ECT2L: variants seen among roughly 807,000 people sequenced by gnomAD.
The protein encoded by ECT2L is epithelial cell-transforming sequence 2 oncogene-like.
Under a neutral mutation model 122.8 loss-of-function variants are expected in ECT2L, and 126 were observed. The observed-to-expected ratio is 1.03, with a 90% CI of 0.89 to 1.19. ECT2L has a LOEUF of 1.19. ECT2L is among the 50% of genes most tolerant of loss of function. The pLI, the probability that ECT2L is intolerant of heterozygous loss-of-function variation, is 0.00. For missense variants in ECT2L, 1,012 were observed against 1,064.1 expected, an observed-to-expected ratio of 0.95 and a Z score of 0.68; for synonymous variants, 385 against 381.8, an observed-to-expected ratio of 1.01 and a Z score of -0.10.
At position 138,885,750 on chromosome 6, in the gene ECT2L, A is replaced by AC. The variant is rs766411485; in HGVS notation, c.2183dup (p.Ala729CysfsTer5). Reference sequence around the variant, plus strand: ...TCTTCTCTACGCTGTCAGGCTTCATACCCCTGCAGAGCATGTTGACCGTGG... The same window carrying AC: ...TCTTCTCTACGCTGTCAGGCTTCATACCCCCTGCAGAGCATGTTGACCGTGG... On this transcript the variant is annotated frameshift_variant, in exon 18 of 22. Coordinates refer to ENST00000541398, the MANE Select transcript of ECT2L (RefSeq NM_001077706.3). LOFTEE classifies it high-confidence loss of function. 6.2e-7 allele frequency: 1 copy of AC among 1,614,120 alleles called. No individual in the cohort carries two copies. Among genetic ancestry groups the AC allele is most frequent in the South Asian group, 1.1e-5 (1 of 91,064 alleles).
intron 4 of ECT2L, among the ~76,000 whole-genome samples, chr6:138,819,938 C>T (rs1191766787): frequency 1.3e-5 from 2 of 152,006 alleles, no homozygotes; most frequent in African/African-American, 2.4e-5. Context: ...TAGGAGATTA[C>T]TAATACTTTG....
intron 19 of ECT2L, among the ~76,000 whole-genome samples, chr6:138,888,645 C>G (rs1192962294): frequency 6.6e-6 from 1 of 152,060 alleles, no homozygotes; most frequent in Non-Finnish European, 1.5e-5. Context: ...ACCTTCTTAT[C>G]CCCCAACCCC....
intron 4 of ECT2L, among the ~76,000 whole-genome samples, chr6:138,830,154 G>T (rs1185572616): frequency 1.3e-5 from 2 of 152,146 alleles, no homozygotes; most frequent in African/African-American, 4.8e-5. Context: ...AATTTTGTTT[G>T]ATAATATTAA....
At chr6:138,810,113 A>G (rs1361610078) in intron 1 of ECT2L, among the ~76,000 whole-genome samples, 1 of 152,226 alleles carries the variant, frequency 6.6e-6, no homozygotes, top group East Asian at 1.9e-4. Flanking sequence ...CACGTTTGCC[A>G]AAGTACTAGA....
chr6:138,836,621 C>T (rs183161813), intron 4 of ECT2L, among the ~76,000 whole-genome samples: 1 of 151,988 alleles, frequency 6.6e-6, no homozygotes, highest in East Asian at 1.9e-4. Context: ...ATGATGGCCT[C>T]CAAGTGGTGA....
chr6:138,860,707 A>ATTT (rs35611410), intron 10 of ECT2L, among the ~76,000 whole-genome samples: 24 of 135,796 alleles, frequency 1.8e-4, no homozygotes, highest in African/African-American at 5.1e-4. Flanking sequence ...TGAAGGGGCT[A>ATTT]TTTTTTTTTT....
At chr6:138,816,385 C>CT (rs35598663) in intron 4 of ECT2L, among the ~76,000 whole-genome samples, 8 of 151,230 alleles carry the variant, frequency 5.3e-5, no homozygotes, top group Non-Finnish European at 1.0e-4. Flanking sequence ...AGTGAAAGTA[C>CT]TTTTTTTTTT....
rs1322374875 is a variant in ECT2L, at chr6:138,873,898, G to GTGTGTGTGTGTGTGTGTA, written c.1579-2557_1579-2556insATGTGTGTGTGTGTGTGT. Among the ~76,000 whole-genome samples the GTGTGTGTGTGTGTGTGTA allele has an allele frequency of 7.3e-3, 1,093 of 150,138 alleles. 16 individuals carry two copies. The highest frequency in any genetic ancestry group is 0.026 in the African/African-American group (1,037 of 40,378). ...TGTGTGTGTGTGTGTGTGTGTGTGT[G>GTGTGTGTGTGTGTGTGTA]TGTGTGTGTGTGTGTGTCCATCCAT... On this transcript the variant is annotated intron_variant, in intron 13 of 21. Transcript: ENST00000541398.
intron 4 of ECT2L, among the ~76,000 whole-genome samples, chr6:138,819,989 G>T (rs543877564): frequency 6.6e-6 from 1 of 152,292 alleles, no homozygotes; most frequent in East Asian, 1.9e-4. Context: ...GGTGGCTGGA[G>T]AAATCTTTCC....
chr6:138,841,068 T>C (rs2128388286), intron 5 of ECT2L, among the ~76,000 whole-genome samples: 1 of 152,324 alleles, frequency 6.6e-6, no homozygotes, highest in East Asian at 1.9e-4. Flanking sequence ...GAGTTCTAAA[T>C]TTCAGTTACT....
intron 4 of ECT2L, among the ~76,000 whole-genome samples, chr6:138,830,196 A>G (rs1228105014): frequency 2.0e-5 from 3 of 152,164 alleles, no homozygotes; most frequent in Non-Finnish European, 2.9e-5. Context: ...CACATCTAGA[A>G]AACAAGGTAT....
At chr6:138,868,230 A>C in intron 13 of ECT2L, 24 bp downstream of exon 13, 1 of 1,574,304 alleles carries the variant, frequency 6.4e-7, no homozygotes. Context: ...TGAAGAAAGT[A>C]AACTATGAAA....
intron 18 of ECT2L, among the ~76,000 whole-genome samples, chr6:138,886,561 C>A (rs1041293148): frequency 1.8e-4 from 27 of 152,116 alleles, no homozygotes; most frequent in African/African-American, 6.5e-4. Flanking sequence ...GCAGGCGCCA[C>A]CATGCTTGGC....
intron 15 of ECT2L, 46 bp downstream of exon 15, chr6:138,881,217 G>A (rs1479206151): frequency 6.5e-7 from 1 of 1,549,168 alleles, no homozygotes; most frequent in Non-Finnish European, 8.8e-7. Flanking sequence ...TGTGCACTGA[G>A]AAGAGCCCAT....
At chr6:138,820,342 T>C (rs1189966079) in intron 4 of ECT2L, among the ~76,000 whole-genome samples, 3 of 152,250 alleles carry the variant, frequency 2.0e-5, no homozygotes, top group African/African-American at 7.2e-5. Context: ...TTTTCTTCCA[T>C]CCTGCTAGCT....
intron 20 of ECT2L, among the ~76,000 whole-genome samples, chr6:138,892,607 C>A (rs1326648525): frequency 2.6e-5 from 4 of 152,160 alleles, no homozygotes; most frequent in Non-Finnish European, 5.9e-5. Flanking sequence ...AATTCTCCTG[C>A]CTCAGGCTTC....
chr6:138,869,539 A>G (rs999702389), intron 13 of ECT2L, among the ~76,000 whole-genome samples: 1 of 152,228 alleles, frequency 6.6e-6, no homozygotes, highest in Non-Finnish European at 1.5e-5. Flanking sequence ...AGGCTCAGGC[A>G]GCCCAATGAC....
chr6:138,863,815 C>T (rs994635635), intron 11 of ECT2L, among the ~76,000 whole-genome samples: 10 of 150,632 alleles, frequency 6.6e-5, no homozygotes, highest in Non-Finnish European at 1.3e-4. Flanking sequence ...GGGGTTTCAC[C>T]ATGTTGGCCT....
At chr6:138,898,073 T>C (rs200528127) in intron 20 of ECT2L, among the ~76,000 whole-genome samples, 1 of 145,696 alleles carries the variant, frequency 6.9e-6, no homozygotes, top group Non-Finnish European at 1.5e-5. Flanking sequence ...AAAAAAAAAA[T>C]TGCTCCCCTT....
Sources: allele counts gnomAD v4.1 joint callset (sites outside exome capture counted in the v4.1 genomes callset), GRCh38; gene constraint gnomAD v4.1.1; transcripts MANE v1.5; gene names NCBI Gene and HGNC (gene_info 2026-07-23, HGNC 2026-07-21).